TNNT1: variants seen among roughly 807,000 people sequenced by gnomAD.
TNNT1 encodes the protein troponin T, slow skeletal muscle.
In TNNT1, 53 loss-of-function variants were observed where a neutral mutation model predicts 50.6. That is an observed-to-expected ratio of 1.05 (90% CI 0.84 to 1.32). The LOEUF (loss-of-function observed/expected upper bound fraction) is 1.32. Ranked by LOEUF, TNNT1 falls within the 40% of genes most tolerant of loss-of-function variation. The pLI is 0.00. For missense variants in TNNT1, 348 were observed against 381.7 expected (o/e 0.91, Z 0.74); for synonymous variants, 142 against 138.0 (o/e 1.03, Z -0.20).
chr19:55,137,297 C>A, intron 10 of TNNT1, 85 bp from the exon 11 acceptor site: 1 of 941,002 alleles, frequency 1.1e-6, no homozygotes, highest in Non-Finnish European at 1.7e-6. Flanking sequence ...TCGGATCCCA[C>A]AGACCATTTC....
intron 1 of TNNT1, among the ~76,000 whole-genome samples, chr19:55,148,791 C>A (rs371537619): frequency 6.6e-6 from 1 of 152,030 alleles, no homozygotes; most frequent in Non-Finnish European, 1.5e-5. Flanking sequence ...CCCCCAATTC[C>A]TGATACCCTC....
intron 6 of TNNT1, chr19:55,142,154 T>A: frequency 1.3e-5 from 6 of 472,596 alleles, no homozygotes; most frequent in South Asian, 1.3e-4. Flanking sequence ...GGAGTCTTGC[T>A]CTGTCACCCA....
intron 11 of TNNT1, among the ~76,000 whole-genome samples, chr19:55,136,715 G>A (rs1481498418): frequency 6.6e-6 from 1 of 152,184 alleles, no homozygotes; most frequent in Non-Finnish European, 1.5e-5. Flanking sequence ...AGGCTGTCTT[G>A]GCTATAGATG....
intron 1 of TNNT1, among the ~76,000 whole-genome samples, chr19:55,147,792 G>C (rs1279709121): frequency 2.0e-5 from 3 of 146,698 alleles, no homozygotes; most frequent in Non-Finnish European, 3.0e-5. Context: ...GGGTCTGGGG[G>C]CCTGGCCTCC....
At chr19:55,138,916 G>C (rs1449940649) in intron 9 of TNNT1, among the ~76,000 whole-genome samples, 1 of 152,236 alleles carries the variant, frequency 6.6e-6, no homozygotes, top group African/African-American at 2.4e-5. Context: ...TCCAGAAACA[G>C]TGGTTTGTCC....
At chr19:55,146,559 A>G in intron 4 of TNNT1, 93 bp from the exon 5 acceptor site, 1 of 1,125,458 alleles carries the variant, frequency 8.9e-7, no homozygotes, top group East Asian at 2.9e-5. Context: ...AAGAGACGTG[A>G]GAGGCTGTTA....
intron 6 of TNNT1, among the ~76,000 whole-genome samples, chr19:55,143,796 C>T (rs779189515): frequency 7.9e-5 from 12 of 152,122 alleles, no homozygotes; most frequent in Admixed American, 6.6e-5. Flanking sequence ...GCTGAGGACT[C>T]GCCAACTGTC....
intron 11 of TNNT1, chr19:55,135,388 C>A: frequency 4.3e-6 from 1 of 234,328 alleles, no homozygotes; most frequent in Non-Finnish European, 8.9e-6. Context: ...TTCCTTCCTT[C>A]CTTCCTTCCT....
At chr19:55,137,515 C>T (rs1443128707) in intron 10 of TNNT1, among the ~76,000 whole-genome samples, 1 of 131,646 alleles carries the variant, frequency 7.6e-6, no homozygotes, top group African/African-American at 3.0e-5. Flanking sequence ...CAGACCCCAG[C>T]CCCTCCTCCC....
At position 55,134,024 on chromosome 19, in the gene TNNT1, C is replaced by A. The variant is rs187928084; in HGVS notation, c.750+42G>T. ...AGTTTGCTGGTCCCTCCCAGCCCAGCCCTGCCCTCTCTCCCTCCCTCCCTG... is the reference window on the plus strand; with the variant it reads ...AGTTTGCTGGTCCCTCCCAGCCCAGACCTGCCCTCTCTCCCTCCCTCCCTG... On this transcript the variant is annotated intron_variant, in intron 12 of 13. Coordinates refer to ENST00000588981, the MANE Select transcript of TNNT1 (RefSeq NM_003283.6). 790 of 1,612,490 alleles carry A rather than the reference C, an allele frequency of 4.9e-4. 5 individuals carry two copies. The African/African-American group carries it at 9.5e-3, about 19-fold the overall frequency.
intron 6 of TNNT1, among the ~76,000 whole-genome samples, chr19:55,142,339 T>G (rs2085474119): frequency 6.6e-6 from 1 of 151,368 alleles, no homozygotes; most frequent in African/African-American, 2.4e-5. Context: ...GCCAGGATGG[T>G]CTCGATCTCC....
At chr19:55,140,830 G>C in intron 9 of TNNT1, 53 bp downstream of exon 9, 1 of 1,322,204 alleles carries the variant, frequency 7.6e-7, no homozygotes, top group South Asian at 1.2e-5. Flanking sequence ...AACAAAATGG[G>C]CATCCGGCTG....
At chr19:55,133,556 T>G (rs1280456539) in intron 13 of TNNT1, 4 of 428,016 alleles carry the variant, frequency 9.3e-6, no homozygotes, top group Non-Finnish European at 1.7e-5. Context: ...CGCGCACCTG[T>G]AATCCCAGCT....
intron 4 of TNNT1, 48 bp from the exon 5 acceptor site, chr19:55,146,514 A>C: frequency 8.8e-7 from 1 of 1,138,214 alleles, no homozygotes; most frequent in Admixed American, 3.7e-5. Context: ...GCGAGGGGGG[A>C]GCGGCCACGC....
intron 12 of TNNT1, 32 bp from the exon 13 acceptor site, chr19:55,133,959 CCGG>C (rs1191172463): frequency 1.2e-6 from 2 of 1,608,028 alleles, no homozygotes; most frequent in East Asian, 2.2e-5. Context: ...GCTGGGACAG[CCGG>C]TGGGGACGTG....
intron 6 of TNNT1, 63 bp from the exon 7 acceptor site, chr19:55,141,983 C>A (rs560888661): frequency 1.9e-6 from 3 of 1,541,760 alleles, no homozygotes; most frequent in Non-Finnish European, 2.7e-6. Context: ...CTCCCACCTC[C>A]GGGATGTGCC....
chr19:55,138,427 G>A (rs1196678580), intron 9 of TNNT1, among the ~76,000 whole-genome samples: 4 of 152,048 alleles, frequency 2.6e-5, no homozygotes, highest in African/African-American at 2.4e-5. Context: ...ACAGGCACCC[G>A]CCACCGCGCC....
intron 3 of TNNT1, 134 bp from the exon 4 acceptor site, chr19:55,146,841 G>A: frequency 8.4e-7 from 1 of 1,183,584 alleles, no homozygotes; most frequent in Non-Finnish European, 1.2e-6. Flanking sequence ...CGTTCCCCCT[G>A]GCGGTGCAGG....
intron 1 of TNNT1, 48 bp downstream of exon 1, chr19:55,149,113 C>T (rs1038814911): frequency 6.6e-6 from 3 of 455,986 alleles, no homozygotes; most frequent in Admixed American, 4.7e-5. Flanking sequence ...GCCCCCTCCC[C>T]CAAGGACATG....
Sources: allele counts gnomAD v4.1 joint callset (sites outside exome capture counted in the v4.1 genomes callset), GRCh38; gene constraint gnomAD v4.1.1; transcripts MANE v1.5; gene names NCBI Gene and HGNC (gene_info 2026-07-23, HGNC 2026-07-21).